RBM20: variants seen among roughly 807,000 people sequenced by gnomAD.
RBM20 encodes RNA binding motif protein 20.
In RBM20, 51 loss-of-function variants were observed where a neutral mutation model predicts 110.1. That is an observed-to-expected ratio of 0.46 (90% CI 0.37 to 0.59). The LOEUF is 0.59. Ranked by LOEUF, RBM20 falls within the 20% of genes least tolerant of loss-of-function variation. The pLI, the probability that RBM20 is intolerant of heterozygous loss-of-function variation, is 0.00. For missense variants in RBM20, 1,512 were observed against 1,574.9 expected, an observed-to-expected ratio of 0.96 and a Z score of 0.68; for synonymous variants, 589 against 618.2, an observed-to-expected ratio of 0.95 and a Z score of 0.70.
At chr10:110,767,217 A>C (rs1590664593) in intron 1 of RBM20, among the ~76,000 whole-genome samples, 9 of 81,184 alleles carry the variant, frequency 1.1e-4, no homozygotes, top group African/African-American at 1.5e-4. Flanking sequence ...GGGGGGGCTG[A>C]CCCCCCCACC....
At chr10:110,699,695 G>A (rs1008925165) in intron 1 of RBM20, among the ~76,000 whole-genome samples, 3 of 152,060 alleles carry the variant, frequency 2.0e-5, no homozygotes, top group Non-Finnish European at 4.4e-5. Context: ...TGGAGGATAT[G>A]TTCCAAGACC....
chr10:110,822,446 G>A, intron 11 of RBM20: 1 of 457,052 alleles, frequency 2.2e-6, no homozygotes, highest in Non-Finnish European at 4.4e-6. Flanking sequence ...AGTGATACAA[G>A]ACTTGTTTCA....
At chr10:110,710,556 C>T (rs1862910259) in intron 1 of RBM20, among the ~76,000 whole-genome samples, 1 of 152,258 alleles carries the variant, frequency 6.6e-6, no homozygotes, top group Non-Finnish European at 1.5e-5. Flanking sequence ...GTTAAACTCC[C>T]AGCCCCAGTA....
At chr10:110,813,121 G>T (rs1844797294) in intron 9 of RBM20, among the ~76,000 whole-genome samples, 174 bp downstream of exon 9, 1 of 152,184 alleles carries the variant, frequency 6.6e-6, no homozygotes, top group African/African-American at 2.4e-5. Context: ...ATCCTCACAG[G>T]TTTTGAGTAC....
chr10:110,663,541 A>G (rs1862136089), intron 1 of RBM20, among the ~76,000 whole-genome samples: 2 of 152,224 alleles, frequency 1.3e-5, no homozygotes, highest in African/African-American at 2.4e-5. Context: ...GTAGGTAGGA[A>G]ATGGAAGAGT....
chr10:110,678,320 G>A (rs1385922333), intron 1 of RBM20, among the ~76,000 whole-genome samples: 1 of 152,172 alleles, frequency 6.6e-6, no homozygotes, highest in African/African-American at 2.4e-5. Context: ...TTGCCATTAA[G>A]TGGCTATGAG....
intron 1 of RBM20, among the ~76,000 whole-genome samples, chr10:110,671,116 C>G (rs1862251675): frequency 6.6e-6 from 1 of 152,232 alleles, no homozygotes; most frequent in Non-Finnish European, 1.5e-5. Flanking sequence ...AATCAGGAAA[C>G]AGAAGCCTCC....
chr10:110,664,214 A>C (rs1862146089), intron 1 of RBM20, among the ~76,000 whole-genome samples: 1 of 152,180 alleles, frequency 6.6e-6, no homozygotes, highest in Non-Finnish European at 1.5e-5. Flanking sequence ...GAATCCTTAG[A>C]AAAATGTTGA....
chr10:110,689,682 C>T (rs186356064), intron 1 of RBM20, among the ~76,000 whole-genome samples: 16 of 152,240 alleles, frequency 1.1e-4, no homozygotes, highest in Non-Finnish European at 1.6e-4. Flanking sequence ...GCCTTGTTTC[C>T]GATGCTTCTA....
chr10:110,683,599 C>T (rs776972771), intron 1 of RBM20, among the ~76,000 whole-genome samples: 2 of 152,088 alleles, frequency 1.3e-5, no homozygotes, highest in African/African-American at 2.4e-5. Flanking sequence ...AGAGTTAAAG[C>T]GAATTGAGTT....
In RBM20 at chr10:110,781,314, C is replaced by A. The variant is rs1257780371; in HGVS notation, c.705C>A (p.Ser235Arg). The A allele has an allele frequency of 1.3e-6, 2 of 1,551,606 alleles. No homozygotes were observed. The highest frequency in any genetic ancestry group is 1.7e-6 in the Non-Finnish European group (2 of 1,147,008). ...TAGFYEYGKA[S>R]SGQTYGPETD... is the part of the protein sequence containing the mutation. ...GATTCTATGAGTATGGCAAAGCCAG[C>A]TCTGGCCAGACATATGGCCCTGAAA... Residue 235 changes from serine to arginine, a missense_variant, in exon 2 of 14, where the codon AGC (serine) becomes AGA (arginine). Ser to Arg is a moderately radical substitution (Grantham distance 110). Transcript: ENST00000369519.
chr10:110,676,852 AGGTTT>A (rs1862347308), intron 1 of RBM20, among the ~76,000 whole-genome samples: 1 of 152,238 alleles, frequency 6.6e-6, no homozygotes, highest in Non-Finnish European at 1.5e-5. Flanking sequence ...GGCTATAAAG[AGGTTT>A]AAAATATATG....
In RBM20 at chr10:110,831,242, C is replaced by T. The variant is rs115784524; in HGVS notation, c.3573+60C>T. The T allele has an allele frequency of 4.9e-4, 748 of 1,524,890 alleles. 5 individuals carry two copies. In the African/African-American group the frequency reaches 9.2e-3, roughly 19 times the overall value. The allele number at this position is 1,524,890 out of a possible 1,614,324, so 94.5% of individuals were successfully genotyped here. On this transcript the variant is annotated intron_variant, in intron 13 of 13. Coordinates refer to ENST00000369519, the MANE Select transcript of RBM20 (RefSeq NM_001134363.3). ...GGCTCCCCAGTCTCCATAACCGAGC[C>T]AGGTGTCTGGCGTCCTTGGCCTTGC...
At chr10:110,803,114 C>G (rs1844651142) in intron 7 of RBM20, among the ~76,000 whole-genome samples, 1 of 152,100 alleles carries the variant, frequency 6.6e-6, no homozygotes. Flanking sequence ...TCCCGGTACT[C>G]TGGGGCAAAG....
chr10:110,806,267 CAAAA>C (rs34718509), intron 7 of RBM20, among the ~76,000 whole-genome samples: 1 of 127,962 alleles, frequency 7.8e-6, no homozygotes, highest in East Asian at 2.2e-4. Context: ...GACTCCGTCT[CAAAA>C]AAAAAAAAAA....
At chr10:110,690,855 C>T (rs1862576786) in intron 1 of RBM20, among the ~76,000 whole-genome samples, 1 of 152,164 alleles carries the variant, frequency 6.6e-6, no homozygotes, top group South Asian at 2.1e-4. Flanking sequence ...ATAATGCTTC[C>T]ATGAATGTTG....
At chr10:110,784,215 GT>G (rs1844390523) in intron 3 of RBM20, 125 bp from the exon 4 acceptor site, 2 of 671,104 alleles carry the variant, frequency 3.0e-6, no homozygotes, top group South Asian at 3.5e-5. Flanking sequence ...TTTGGGGACA[GT>G]TTTTGTTTGA....
chr10:110,794,325 A>G (rs1844521483), intron 5 of RBM20, among the ~76,000 whole-genome samples: 1 of 152,228 alleles, frequency 6.6e-6, no homozygotes, highest in Non-Finnish European at 1.5e-5. Context: ...AACCATCCTA[A>G]ATAAAATATT....
intron 1 of RBM20, among the ~76,000 whole-genome samples, chr10:110,664,349 C>T (rs778280742): frequency 3.9e-5 from 6 of 152,132 alleles, no homozygotes; most frequent in African/African-American, 7.2e-5. Flanking sequence ...GAAGGGGCTC[C>T]CCCTGTCCAA....
Sources: allele counts gnomAD v4.1 joint callset (sites outside exome capture counted in the v4.1 genomes callset), GRCh38; gene constraint gnomAD v4.1.1; transcripts MANE v1.5; gene names NCBI Gene and HGNC (gene_info 2026-07-23, HGNC 2026-07-21).